The following THSD7A variants were observed in gnomAD, a reference collection of about 807,000 sequenced individuals.
THSD7A encodes the protein thrombospondin type-1 domain-containing protein 7A.
THSD7A carries 96 observed loss-of-function variants against 231.3 expected under a neutral mutation model. That is an observed-to-expected ratio of 0.41 (90% CI 0.35 to 0.49). The LOEUF is 0.49. Among genes scored for constraint, THSD7A ranks in the 20% least tolerant of loss-of-function variants. THSD7A has a pLI of 0.05. For synonymous variants in THSD7A, 940 were observed against 743.3 expected, an observed-to-expected ratio of 1.26 and a Z score of -4.30; for missense variants, 2,290 against 2,070.2, an observed-to-expected ratio of 1.11 and a Z score of -2.06.
intron 2 of THSD7A, among the ~76,000 whole-genome samples, chr7:11,598,437 G>A (rs975356655): frequency 1.3e-5 from 2 of 152,232 alleles, no homozygotes; most frequent in South Asian, 2.1e-4. Context: ...CCCTGTCATC[G>A]CCCAGTGGGC....
At chr7:11,747,427 A>G (rs1782346737) in intron 1 of THSD7A, among the ~76,000 whole-genome samples, 2 of 151,988 alleles carry the variant, frequency 1.3e-5, no homozygotes, top group South Asian at 4.1e-4. Flanking sequence ...TGAGAATACC[A>G]AAATACAGAA....
intron 1 of THSD7A, among the ~76,000 whole-genome samples, chr7:11,794,657 G>A (rs1195809774): frequency 5.9e-5 from 9 of 151,818 alleles, no homozygotes; most frequent in Admixed American, 2.0e-4. Context: ...TAATATCATC[G>A]CCTAAGACCT....
In THSD7A at chr7:11,623,618, T is replaced by C. The variant is rs191333072; in HGVS notation, c.1022+12512A>G. On this transcript the variant is annotated intron_variant, in intron 2 of 27. Coordinates refer to ENST00000423059, the MANE Select transcript of THSD7A (RefSeq NM_015204.3). ...TAGAGAAAGTAAGTAAATGTGGGGG[T>C]GGGGGTGAGTAGAGCGAAGTGATTA... Among the ~76,000 whole-genome samples the C allele has an allele frequency of 6.1e-3, 933 of 152,178 alleles. 13 individuals are homozygous for C. Among genetic ancestry groups the C allele is most frequent in the South Asian group, 0.023 (109 of 4,816 alleles).
At chr7:11,387,546 G>A (rs767299846) in intron 23 of THSD7A, among the ~76,000 whole-genome samples, 4 of 152,088 alleles carry the variant, frequency 2.6e-5, no homozygotes, top group Non-Finnish European at 5.9e-5. Flanking sequence ...TGTGATTTTT[G>A]CACATTGATT....
intron 6 of THSD7A, among the ~76,000 whole-genome samples, chr7:11,536,007 A>G (rs1157558888): frequency 2.0e-5 from 3 of 152,228 alleles, no homozygotes; most frequent in Admixed American, 2.0e-4. Flanking sequence ...AGGCACAAAA[A>G]TATTTATAAA....
At chr7:11,401,706 G>C in intron 23 of THSD7A, 89 bp downstream of exon 23, 1 of 1,295,128 alleles carries the variant, frequency 7.7e-7, no homozygotes, top group Non-Finnish European at 1.0e-6. Context: ...GCCACCGCAC[G>C]TGGCCAACTT....
chr7:11,724,416 C>A (rs1781473994), intron 1 of THSD7A, among the ~76,000 whole-genome samples: 2 of 151,822 alleles, frequency 1.3e-5, no homozygotes, highest in Admixed American at 6.6e-5. Context: ...TCTGACTCTG[C>A]AGTATTGACA....
chr7:11,715,470 A>T (rs1160615973), intron 1 of THSD7A, among the ~76,000 whole-genome samples: 1 of 151,510 alleles, frequency 6.6e-6, no homozygotes, highest in Non-Finnish European at 1.5e-5. Context: ...ACTGCTAACA[A>T]GTGTTTAAAC....
At chr7:11,604,006 T>C (rs982761514) in intron 2 of THSD7A, among the ~76,000 whole-genome samples, 1 of 151,164 alleles carries the variant, frequency 6.6e-6, no homozygotes, top group African/African-American at 2.4e-5. Flanking sequence ...TGTGCACATG[T>C]ACCCTAAAAC....
At chr7:11,510,465 C>T (rs976569453) in intron 6 of THSD7A, among the ~76,000 whole-genome samples, 1 of 152,132 alleles carries the variant, frequency 6.6e-6, no homozygotes, top group African/African-American at 2.4e-5. Flanking sequence ...GGCAGACACA[C>T]AGCAACAAAA....
chr7:11,821,035 T>C, intron 1 of THSD7A: 1 of 978,902 alleles, frequency 1.0e-6, no homozygotes. Flanking sequence ...CTGGGACTTT[T>C]CATTTCATCA....
chr7:11,629,497 T>C (rs979018747), intron 2 of THSD7A, among the ~76,000 whole-genome samples: 56 of 152,302 alleles, frequency 3.7e-4, no homozygotes, highest in Admixed American at 3.5e-3. Flanking sequence ...TTAGAAGTAG[T>C]AATTTTATAA....
At position 11,760,892 on chromosome 7, in the gene THSD7A, T is replaced by C. The variant is rs938702006; in HGVS notation, c.190+70865A>G. On this transcript the variant is annotated intron_variant, in intron 1 of 27. Coordinates refer to ENST00000423059, the MANE Select transcript of THSD7A (RefSeq NM_015204.3). The stretch of plus-strand genomic sequence containing the variant: ...TTATCATACCACAGGGCATAATAAT[T>C]ATCTACTAATGTTACATATTTTAAA... Among the ~76,000 whole-genome samples, 13 of 150,632 alleles carry C rather than the reference T, an allele frequency of 8.6e-5. No homozygotes were observed. In the East Asian group the frequency reaches 2.1e-3, roughly 25 times the overall value.
At chr7:11,381,193 C>G (rs1329052391) in intron 24 of THSD7A, among the ~76,000 whole-genome samples, 2 of 152,124 alleles carry the variant, frequency 1.3e-5, no homozygotes, top group Non-Finnish European at 2.9e-5. Context: ...CACTCCATAC[C>G]TCTTAGAGTG....
At chr7:11,547,746 C>T (rs1173587925) in intron 4 of THSD7A, among the ~76,000 whole-genome samples, 1 of 152,170 alleles carries the variant, frequency 6.6e-6, no homozygotes, top group African/African-American at 2.4e-5. Context: ...ATTAAAGCAA[C>T]CTTCTTCTGA....
chr7:11,390,395 G>A (rs947725117), intron 23 of THSD7A, among the ~76,000 whole-genome samples: 1 of 151,964 alleles, frequency 6.6e-6, no homozygotes, highest in African/African-American at 2.4e-5. Flanking sequence ...TTATTGATTT[G>A]GCTATTGATA....
In THSD7A at chr7:11,452,886, C is replaced by T. The variant is rs115790703; in HGVS notation, c.2606-5462G>A. On this transcript the variant is annotated intron_variant, in intron 11 of 27. Coordinates refer to ENST00000423059, the MANE Select transcript of THSD7A (RefSeq NM_015204.3). Reference sequence around the variant, plus strand: ...AAGTTTTAAATAATGGTATATATAACTGCAGAGTATAAAACCTGGGTAATA... The same window carrying T: ...AAGTTTTAAATAATGGTATATATAATTGCAGAGTATAAAACCTGGGTAATA... 8.8e-3 allele frequency among the ~76,000 whole-genome samples: 1,334 copies of T among 151,988 alleles called. 24 individuals are homozygous for T. The highest frequency in any genetic ancestry group is 0.031 in the African/African-American group (1,276 of 41,494).
chr7:11,588,249 C>T (rs1779999215), intron 4 of THSD7A, among the ~76,000 whole-genome samples: 1 of 152,128 alleles, frequency 6.6e-6, no homozygotes, highest in Non-Finnish European at 1.5e-5. Flanking sequence ...CCCTGGGATG[C>T]TGGTATACTG....
intron 22 of THSD7A, among the ~76,000 whole-genome samples, chr7:11,404,068 A>G (rs79217420): frequency 3.1e-4 from 47 of 152,212 alleles, no homozygotes; most frequent in African/African-American, 9.2e-4. Context: ...AATTAAAACA[A>G]TGTGTTTGCT....
Sources: allele counts gnomAD v4.1 joint callset (sites outside exome capture counted in the v4.1 genomes callset), GRCh38; gene constraint gnomAD v4.1.1; transcripts MANE v1.5; gene names NCBI Gene and HGNC (gene_info 2026-07-23, HGNC 2026-07-21).